IQSEC1: variants seen among roughly 807,000 people sequenced by gnomAD.
IQSEC1 encodes IQ motif and Sec7 domain ArfGEF 1.
A neutral mutation model predicts 91.0 loss-of-function variants in IQSEC1; 31 were observed. That is an observed-to-expected ratio of 0.34 (90% CI 0.26 to 0.46). The LOEUF is 0.46. Among genes scored for constraint, IQSEC1 ranks in the 20% least tolerant of loss-of-function variants. The pLI is 1.00. For missense variants in IQSEC1, 1,388 were observed against 1,575.6 expected (o/e 0.88, Z 2.02); for synonymous variants, 699 against 662.6 (o/e 1.05, Z -0.84).
intron 2 of IQSEC1, among the ~76,000 whole-genome samples, chr3:13,146,745 C>G (rs1386489782): frequency 6.6e-6 from 1 of 152,214 alleles, no homozygotes; most frequent in African/African-American, 2.4e-5. Flanking sequence ...GAGGCTGAGG[C>G]ACGAGAATCA....
chr3:13,098,276 G>C (rs530998292), intron 2 of IQSEC1, among the ~76,000 whole-genome samples: 1 of 152,236 alleles, frequency 6.6e-6, no homozygotes, highest in Admixed American at 6.5e-5. Context: ...TGGAACCAAC[G>C]AGGAAGCAAA....
At chr3:13,137,060 C>T (rs911545537) in intron 2 of IQSEC1, among the ~76,000 whole-genome samples, 2 of 152,114 alleles carry the variant, frequency 1.3e-5, no homozygotes, top group African/African-American at 4.8e-5. Flanking sequence ...CGCTTTAGCC[C>T]AGGAGTTTGA....
intron 2 of IQSEC1, among the ~76,000 whole-genome samples, chr3:13,104,049 G>A (rs1309116209): frequency 6.6e-6 from 1 of 152,138 alleles, no homozygotes; most frequent in Non-Finnish European, 1.5e-5. Flanking sequence ...TCATGGAGCT[G>A]AGATTCGAAC....
chr3:13,228,865 TC>T (rs1450292863), intron 1 of IQSEC1, among the ~76,000 whole-genome samples: 1 of 152,204 alleles, frequency 6.6e-6, no homozygotes, highest in Non-Finnish European at 1.5e-5. Flanking sequence ...AAATGCTACT[TC>T]CTCAGCAAGG....
At chr3:13,274,596 G>T (rs1695644608) in intron 1 of IQSEC1, among the ~76,000 whole-genome samples, 1 of 152,220 alleles carries the variant, frequency 6.6e-6, no homozygotes, top group African/African-American at 2.4e-5. Flanking sequence ...ACCCTCCCCT[G>T]CGACCACATG....
intron 1 of IQSEC1, among the ~76,000 whole-genome samples, chr3:13,201,045 G>A (rs1359488871): frequency 2.0e-5 from 3 of 152,126 alleles, no homozygotes; most frequent in African/African-American, 2.4e-5. Context: ...AGCTGCATTC[G>A]ACTCACTTTT....
intron 2 of IQSEC1, among the ~76,000 whole-genome samples, chr3:13,102,091 A>C (rs556356739): frequency 6.6e-6 from 1 of 151,880 alleles, no homozygotes; most frequent in Non-Finnish European, 1.5e-5. Flanking sequence ...CAGCCTGGGC[A>C]ATGTGGCGAG....
intron 2 of IQSEC1, among the ~76,000 whole-genome samples, chr3:13,099,182 T>A (rs1346867502): frequency 1.3e-5 from 2 of 152,082 alleles, no homozygotes; most frequent in Non-Finnish European, 2.9e-5. Context: ...AGTGTAGCCC[T>A]GGGGGCCATA....
chr3:13,163,892 G>A (rs189264416), intron 2 of IQSEC1, among the ~76,000 whole-genome samples: 26 of 152,288 alleles, frequency 1.7e-4, no homozygotes, highest in African/African-American at 5.1e-4. Context: ...GGGAAGCTGG[G>A]AAGGGCTTTT....
chr3:13,156,842 G>T (rs1337503321), intron 2 of IQSEC1, among the ~76,000 whole-genome samples: 1 of 152,222 alleles, frequency 6.6e-6, no homozygotes, highest in Non-Finnish European at 1.5e-5. Flanking sequence ...CATGTTCTAG[G>T]CTGAGGGAAC....
chr3:12,897,273 C>CATTG lies in IQSEC1; in HGVS notation c.*3706_*3709dup, dbSNP rs1693738515. Reference sequence around the variant, plus strand: ...CCACATGATCACAACCATGGTTTTACATTGATAGAGTCTGTTGCCACTGAC... The same window carrying CATTG: ...CCACATGATCACAACCATGGTTTTACATTGATTGATAGAGTCTGTTGCCACTGAC... On this transcript the variant is annotated 3_prime_UTR_variant, in exon 14 of 14. Coordinates refer to ENST00000613206, the MANE Select transcript of IQSEC1 (RefSeq NM_001134382.3). The CATTG allele has an allele frequency of 3.3e-5, 5 of 152,342 alleles. No homozygotes were observed. In the South Asian group the frequency reaches 8.3e-4, roughly 25 times the overall value. 9.4% of individuals were successfully genotyped at this position (152,342 alleles called of 1,614,324 possible). A position where few individuals can be genotyped will look rare whatever the true frequency, so the allele number is the denominator to read the frequency against.
At position 13,272,965 on chromosome 3, in the gene IQSEC1, C is replaced by G. The variant is rs992821827; in HGVS notation, c.272+9746G>C. Among the ~76,000 whole-genome samples the G allele has an allele frequency of 3.3e-5, 5 of 152,178 alleles. No individual in the cohort carries two copies. In the South Asian group the frequency reaches 1.0e-3, roughly 32 times the overall value. ...AGTCACCTGATTCTAAATTCCATGACTTTCTAAAATCACTTTCCTTCTCAA... is the reference window on the plus strand; with the variant it reads ...AGTCACCTGATTCTAAATTCCATGAGTTTCTAAAATCACTTTCCTTCTCAA... On this transcript the variant is annotated intron_variant, in intron 1 of 15. Transcript: ENST00000648114.
rs781107152 is a variant in IQSEC1 at position 13,198,966 on chromosome 3, G to A, written c.273-34833C>T. Among the ~76,000 whole-genome samples the A allele has an allele frequency of 1.6e-3, 249 of 152,330 alleles. 2 individuals carry two copies. Among genetic ancestry groups the A allele is most frequent in the Middle Eastern group, 3.4e-3 (1 of 294 alleles). ...CCATGGCTGGGCTTGGGAGGCTGCC[G>A]GGCGAGTGTTTAGCCTGTATTTTCC... On this transcript the variant is annotated intron_variant, in intron 1 of 15. Transcript: ENST00000648114.
At chr3:12,980,903 G>A (rs1219579094) in intron 1 of IQSEC1, among the ~76,000 whole-genome samples, 2 of 152,188 alleles carry the variant, frequency 1.3e-5, no homozygotes, top group Admixed American at 6.5e-5. Flanking sequence ...TGTCTTAGCC[G>A]ATCCTGCCTC....
rs1314468878 is a variant in IQSEC1 at position 12,909,905 on chromosome 3, C to G, written c.2417-471G>C. Among the ~76,000 whole-genome samples the G allele has an allele frequency of 2.6e-5, 4 of 152,208 alleles. No individual in the cohort carries two copies. The highest frequency in any genetic ancestry group is 2.4e-5 in the African/African-American group (1 of 41,460). The stretch of plus-strand genomic sequence containing the variant: ...CTCTCAGGGTCCCTGGGGCTTTGGT[C>G]TCCTGGCGGTGCTGCTCCGGCAGTG... On this transcript the variant is annotated intron_variant, in intron 10 of 13. Coordinates refer to ENST00000613206, the MANE Select transcript of IQSEC1 (RefSeq NM_001134382.3). The surrounding 1 kb of genome is among the most constrained non-coding windows in gnomAD (Gnocchi z 4.9).
rs796663192 is a variant in IQSEC1, at chr3:13,276,080, CTT to C, written c.272+6629_272+6630del. Among the ~76,000 whole-genome samples the C allele has an allele frequency of 2.9e-4, 23 of 79,536 alleles. No individual in the cohort carries two copies. In the South Asian group the frequency reaches 3.0e-3, roughly 10 times the overall value. 52.2% of individuals were successfully genotyped at this position (79,536 alleles called of 152,430 possible). A position where few individuals can be genotyped will look rare whatever the true frequency, so the allele number is the denominator to read the frequency against. Reference sequence around the variant, plus strand: ...AGGGAAAACAATCCTCAAAAGCATTCTTTTTTTTTTTTTTTTTTTTTTTTTTG... The same window carrying C: ...AGGGAAAACAATCCTCAAAAGCATTCTTTTTTTTTTTTTTTTTTTTTTTTG... On this transcript the variant is annotated intron_variant, in intron 1 of 15. Coordinates refer to the IQSEC1 transcript ENST00000648114.
At chr3:13,276,150 G>A (rs910012500) in intron 1 of IQSEC1, among the ~76,000 whole-genome samples, 5 of 138,566 alleles carry the variant, frequency 3.6e-5, no homozygotes, top group Admixed American at 2.4e-4. Flanking sequence ...GTGCAATGGC[G>A]TGATCTCGGC....
chr3:13,220,110 A>T (rs1370632045), intron 1 of IQSEC1, among the ~76,000 whole-genome samples: 4 of 152,176 alleles, frequency 2.6e-5, no homozygotes, highest in African/African-American at 7.2e-5. Context: ...AGCTTTAGGC[A>T]CTTCAGTGCT....
chr3:13,036,925 G>C (rs548750120), intron 1 of IQSEC1, among the ~76,000 whole-genome samples: 1 of 152,238 alleles, frequency 6.6e-6, no homozygotes, highest in Admixed American at 6.5e-5. Context: ...CTGAAGGTGA[G>C]GTTGCAAAGT....
Sources: allele counts gnomAD v4.1 joint callset (sites outside exome capture counted in the v4.1 genomes callset), GRCh38; gene constraint gnomAD v4.1.1; non-coding constraint Gnocchi (gnomAD v3.1); transcripts MANE v1.5; gene names NCBI Gene and HGNC (gene_info 2026-07-23, HGNC 2026-07-21).